Variants in LIN7B observed in about 807,000 individuals in gnomAD.
LIN7B encodes the protein lin-7 cell polarity scaffold B.
In LIN7B, 16 loss-of-function variants were observed where a neutral mutation model predicts 27.9. That is an observed-to-expected ratio of 0.57 (90% CI 0.39 to 0.87). The LOEUF is 0.87. LIN7B is among the 40% of genes least tolerant of loss of function. The probability of loss-of-function intolerance (pLI) is 0.00; values close to 1 mark genes in which losing one functional copy is unlikely to be tolerated. For missense variants in LIN7B, 291 were observed against 288.5 expected, an observed-to-expected ratio of 1.01 and a Z score of -0.06; for synonymous variants, 147 against 120.8, an observed-to-expected ratio of 1.22 and a Z score of -1.42.
chr19:49,116,526 AGCCCCTGCT>A, intron 4 of LIN7B, 54 bp downstream of exon 4: 1 of 1,499,654 alleles, frequency 6.7e-7, no homozygotes, highest in East Asian at 2.3e-5. Context: ...AACGTAGCAT[AGCCCCTGCT>A]TTTGACATTC....
Position 49,114,370 on chromosome 19 carries a change from A to C in LIN7B, c.-35A>C. The C allele has an allele frequency of 8.4e-7, 1 of 1,185,806 alleles. No individual in the cohort carries two copies. The highest frequency in any genetic ancestry group is 1.6e-5 in the African/African-American group (1 of 62,590). The allele number at this position is 1,185,806 out of a possible 1,614,324, so 73.5% of individuals were successfully genotyped here. On this transcript the variant is annotated 5_prime_UTR_variant, in exon 1 of 6. Coordinates refer to ENST00000221459, the MANE Select transcript of LIN7B (RefSeq NM_022165.3). ...CAGCCCCGCCCTCCTCGCCGGCGCCAGGGCAGGCGGGCGGCTGGCAGCTGT... is the reference window on the plus strand; with the variant it reads ...CAGCCCCGCCCTCCTCGCCGGCGCCCGGGCAGGCGGGCGGCTGGCAGCTGT...
intron 1 of LIN7B, 137 bp downstream of exon 1, chr19:49,114,578 C>A: frequency 1.5e-6 from 1 of 664,166 alleles, no homozygotes; most frequent in Non-Finnish European, 2.1e-6. Flanking sequence ...GGCGCCGGGG[C>A]CGGGCGGTCG....
At chr19:49,117,570 T>G in intron 4 of LIN7B, among the ~76,000 whole-genome samples, 1 of 139,504 alleles carries the variant, frequency 7.2e-6, no homozygotes, top group Non-Finnish European at 1.6e-5. Flanking sequence ...AAAGAGGGAG[T>G]CAAGGCGGGC....
At chr19:49,115,011 C>T (rs756174065) in intron 2 of LIN7B, 44 bp downstream of exon 2, 5 of 954,680 alleles carry the variant, frequency 5.2e-6, no homozygotes, top group Admixed American at 7.1e-5. Context: ...TGGCCGTCGT[C>T]CTCCTCCTCC....
At chr19:49,116,572 T>A in intron 4 of LIN7B, 100 bp downstream of exon 4, 3 of 1,121,266 alleles carry the variant, frequency 2.7e-6, no homozygotes, top group South Asian at 1.5e-5. Context: ...GTGTTGTCTG[T>A]ATGGCTAGCC....
At chr19:49,116,513 T>G (rs2040828496) in intron 4 of LIN7B, 41 bp downstream of exon 4, 2 of 1,549,146 alleles carry the variant, frequency 1.3e-6, no homozygotes, top group Admixed American at 1.7e-5. Context: ...ACACAGTCTG[T>G]CTAACGTAGC....
At position 49,116,226 on chromosome 19, in the gene LIN7B, A is replaced by C. The variant is rs149621213; in HGVS notation, c.229-37A>C. On this transcript the variant is annotated intron_variant, in intron 3 of 5. Transcript: ENST00000221459. ...CACCCCAGCTTTCATGCCTACCTGG[A>C]AGGGGCCCTCATCTTCAGTCGCTTT... is the stretch of plus-strand genomic sequence containing the variant. 0.014 allele frequency: 21,876 copies of C among 1,581,630 alleles called. 282 individuals carry two copies. Among genetic ancestry groups the C allele is most frequent in the Admixed American group, 0.064 (3,767 of 59,070 alleles).
intron 5 of LIN7B, 115 bp from the exon 6 acceptor site, chr19:49,118,237 G>A: frequency 7.3e-7 from 1 of 1,369,672 alleles, no homozygotes; most frequent in African/African-American, 1.4e-5. Context: ...AACCTACTGT[G>A]GCTGGGATCC....
At position 49,117,391 on chromosome 19, in the gene LIN7B, G is replaced by A. The variant is rs531807829; in HGVS notation, c.439-464G>A. Among the ~76,000 whole-genome samples the A allele has an allele frequency of 5.9e-5, 9 of 152,228 alleles. No individual in the cohort carries two copies. In the East Asian group the frequency reaches 1.4e-3, roughly 23 times the overall value. On this transcript the variant is annotated intron_variant, in intron 4 of 5. Coordinates refer to ENST00000221459, the MANE Select transcript of LIN7B (RefSeq NM_022165.3). ...CCATGGGTGCTGGGGAGCTATGGGA[G>A]GGGTGAGCCAGGGATAAACTCAGCT...
chr19:49,114,755 T>C, intron 1 of LIN7B, 94 bp from the exon 2 acceptor site: 1 of 699,378 alleles, frequency 1.4e-6, no homozygotes, highest in Non-Finnish European at 2.1e-6. Flanking sequence ...CTCCCCGGAC[T>C]GTGCGCTCGG....
At position 49,114,880 on chromosome 19, in the gene LIN7B, G is replaced by C. The variant is rs761683346; in HGVS notation, c.69G>C (p.Arg23=). ...DVSRAVELLE[R]LQRSGELPPQ... The stretch of plus-strand genomic sequence containing the variant: ...CCCGGGCGGTTGAGCTCCTCGAGCG[G>C]CTCCAGCGCAGCGGGGAGCTGCCGC... Residue 23 remains arginine, a synonymous_variant, in exon 2 of 6, where the codon CGG becomes CGC. Transcript: ENST00000221459. The C allele has an allele frequency of 2.6e-5, 38 of 1,476,304 alleles. No homozygotes were observed. The highest frequency in any genetic ancestry group is 1.5e-4 in the African/African-American group (10 of 68,576). The allele number at this position is 1,476,304 out of a possible 1,614,324, so 91.5% of individuals were successfully genotyped here.
chr19:49,116,443 G>A lies in LIN7B; in HGVS notation c.409G>A (p.Gly137Arg). The stretch of plus-strand genomic sequence containing the variant: ...TGACCGCCATGGAGGCCTCAAGCGT[G>A]GGGATCAACTGTTGTCGGTGAACGG... ...VADRHGGLKRGDQLLSVNGVS... is the reference protein window; with the variant it reads ...VADRHGGLKRRDQLLSVNGVS... The change falls in exon 4 of 6, where the codon GGG becomes AGG. Residue 137 changes from glycine to arginine, a missense_variant. Coordinates refer to ENST00000221459, the MANE Select transcript of LIN7B (RefSeq NM_022165.3). 1 of 1,614,190 alleles carries A rather than the reference G, an allele frequency of 6.2e-7. No homozygotes were observed. Among genetic ancestry groups the A allele is most frequent in the South Asian group, 1.1e-5 (1 of 91,080 alleles).
intron 4 of LIN7B, 60 bp downstream of exon 4, chr19:49,116,532 T>C: frequency 6.9e-7 from 1 of 1,451,228 alleles, no homozygotes. Context: ...GCATAGCCCC[T>C]GCTTTTGACA....
At chr19:49,115,192 G>C in intron 2 of LIN7B, 68 bp from the exon 3 acceptor site, 2 of 1,406,428 alleles carry the variant, frequency 1.4e-6, no homozygotes, top group Non-Finnish European at 2.0e-6. Context: ...AGGGTCTAGA[G>C]GCCTGAACTC....
chr19:49,116,260 C>T lies in LIN7B; in HGVS notation c.229-3C>T. On this transcript the variant is annotated splice_region_variant and splice_polypyrimidine_tract_variant and intron_variant, in intron 3 of 5. Transcript: ENST00000221459. ...TCATCTTCAGTCGCTTTCTCTCTCC[C>T]AGGCCACAGTGGCTGCCTTCACAGC... 3 of 1,612,076 alleles carry T rather than the reference C, an allele frequency of 1.9e-6. No homozygotes were observed. The highest frequency in any genetic ancestry group is 2.5e-6 in the Non-Finnish European group (3 of 1,178,872).
At chr19:49,117,761 G>C in intron 4 of LIN7B, 94 bp from the exon 5 acceptor site, 1 of 1,107,834 alleles carries the variant, frequency 9.0e-7, no homozygotes, top group South Asian at 1.3e-5. Context: ...CTCAGGGCTG[G>C]CACCAGGCTC....
At chr19:49,115,206 C>A in intron 2 of LIN7B, 54 bp from the exon 3 acceptor site, 1 of 1,482,802 alleles carries the variant, frequency 6.7e-7, no homozygotes, top group Non-Finnish European at 9.2e-7. Flanking sequence ...TGAACTCCTG[C>A]GTCTAGGGCT....
intron 4 of LIN7B, among the ~76,000 whole-genome samples, chr19:49,116,834 A>G (rs563885024): frequency 6.6e-6 from 1 of 152,204 alleles, no homozygotes; most frequent in Non-Finnish European, 1.5e-5. Context: ...CAGGCAAACA[A>G]GGTACAGGGT....
intron 4 of LIN7B, among the ~76,000 whole-genome samples, chr19:49,117,239 C>T (rs542209110): frequency 1.6e-5 from 2 of 128,806 alleles, no homozygotes; most frequent in East Asian, 4.3e-4. Context: ...GAGTGAGACT[C>T]CCTCTCAAAA....
Sources: allele counts gnomAD v4.1 joint callset (sites outside exome capture counted in the v4.1 genomes callset), GRCh38; gene constraint gnomAD v4.1.1; transcripts MANE v1.5; gene names NCBI Gene and HGNC (gene_info 2026-07-23, HGNC 2026-07-21).